The following MYO15A variants were observed in gnomAD, a reference collection of about 807,000 sequenced individuals.
MYO15A encodes the protein unconventional myosin-XV.
In MYO15A, 308 loss-of-function variants were observed where a neutral mutation model predicts 394.6. The observed-to-expected ratio is 0.78, with a 90% confidence interval of 0.71 to 0.86. The LOEUF (loss-of-function observed/expected upper bound fraction) is 0.86. Among genes scored for constraint, MYO15A ranks in the 40% least tolerant of loss-of-function variants. MYO15A has a pLI of 0.00. For missense variants in MYO15A, 4,606 were observed against 4,799.1 expected (o/e 0.96, Z 1.19); for synonymous variants, 1,957 against 2,003.8 (o/e 0.98, Z 0.62).
intron 3 of MYO15A, 88 bp from the exon 4 acceptor site, chr17:18,125,080 G>T: frequency 1.6e-6 from 2 of 1,267,902 alleles, no homozygotes; most frequent in South Asian, 2.4e-5. Context: ...AGGCCTATCT[G>T]ATCAAGGCAC....
At position 18,119,307 on chromosome 17, in the gene MYO15A, C is replaced by T. The variant is rs754319256; in HGVS notation, c.507C>T (p.Ser169=). ...WLQRSSSRMG[S]RKLPFPSGAE... is the part of the protein sequence containing the mutation. ...AGCGCTCGAGCTCCCGCATGGGCTCCCGCAAACTCCCCTTCCCGTCGGGTG... is the reference window on the plus strand; with the variant it reads ...AGCGCTCGAGCTCCCGCATGGGCTCTCGCAAACTCCCCTTCCCGTCGGGTG... The change falls in exon 2 of 66, where the codon TCC becomes TCT. Residue 169 remains serine, a synonymous_variant. Transcript: ENST00000647165. 1 of 1,610,994 alleles carries T rather than the reference C, an allele frequency of 6.2e-7. No individual in the cohort carries two copies. The highest frequency in any genetic ancestry group is 2.2e-5 in the East Asian group (1 of 44,844).
Position 18,149,533 on chromosome 17 carries a change from T to A in MYO15A, c.7165T>A (p.Cys2389Ser). ...EPAVPHKGLD[C>S]YLDSLFDPVL... ...TGCTGTGCCCCACAAGGGGCTGGAC[T>A]GCTACCTGGATAGCCTCTTTGACCC... The change falls in exon 35 of 66, where the codon TGC becomes AGC. Residue 2389 changes from cysteine to serine, a missense_variant. Coordinates refer to ENST00000647165, the MANE Select transcript of MYO15A (RefSeq NM_016239.4). 6.2e-7 allele frequency: 1 copy of A among 1,614,204 alleles called. No homozygotes were observed. Among genetic ancestry groups the A allele is most frequent in the Non-Finnish European group, 8.5e-7 (1 of 1,180,028 alleles).
intron 18 of MYO15A, 174 bp from the exon 19 acceptor site, chr17:18,139,360 C>T (rs1022641749): frequency 2.7e-6 from 2 of 736,126 alleles, no homozygotes; most frequent in Admixed American, 2.1e-5. Flanking sequence ...AGGGTGAGGC[C>T]AAGACCCAGG....
intron 34 of MYO15A, 25 bp from the exon 35 acceptor site, chr17:18,149,461 G>A: frequency 6.2e-7 from 1 of 1,614,186 alleles, no homozygotes; most frequent in Non-Finnish European, 8.5e-7. Context: ...AAAAGAACTT[G>A]ACATTTTTGT....
intron 19 of MYO15A, among the ~76,000 whole-genome samples, chr17:18,139,814 C>T (rs1025576383): frequency 6.6e-6 from 1 of 152,226 alleles, no homozygotes; most frequent in South Asian, 2.1e-4. Flanking sequence ...GCGCCTCATC[C>T]TGATCCTGTC....
At chr17:18,169,115 A>AAATAATAATAATAAT (rs368379543) in intron 62 of MYO15A, among the ~76,000 whole-genome samples, 1 of 128,512 alleles carries the variant, frequency 7.8e-6, no homozygotes, top group Non-Finnish European at 1.6e-5. Context: ...CTCCATCTCA[A>AAATAATAATAATAAT]AATAATAATA....
Position 18,149,217 on chromosome 17 carries a change from G to GT in MYO15A, c.6959dup (p.Phe2321ValfsTer9). The GT allele has an allele frequency of 1.9e-6, 3 of 1,614,042 alleles. No homozygotes were observed. The highest frequency in any genetic ancestry group is 2.5e-6 in the Non-Finnish European group (3 of 1,179,938). On this transcript the variant is annotated frameshift_variant and splice_region_variant, in exon 34 of 66. Coordinates refer to ENST00000647165, the MANE Select transcript of MYO15A (RefSeq NM_016239.4). LOFTEE classifies it high-confidence loss of function. ...GCTCCATGTTCCTTTTCTCCACAGG[G>GT]TGTTTGGGAACAGCTGGGACTCGGA...
Position 18,163,248 on chromosome 17 carries a change from G to T in MYO15A, c.9617G>T (p.Gly3206Val), listed in dbSNP as rs2046802106. 1.2e-6 allele frequency: 2 copies of T among 1,614,166 alleles called. No homozygotes were observed. The highest frequency in any genetic ancestry group is 1.7e-6 in the Non-Finnish European group (2 of 1,180,004). Residue 3206 changes from glycine (G) to valine (V), a missense_variant, in exon 59 of 66, where the codon GGC (glycine) becomes GTC (valine). By Grantham distance (109) the Gly-to-Val change is moderately radical. Coordinates refer to ENST00000647165, the MANE Select transcript of MYO15A (RefSeq NM_016239.4). ...TCTCCCACCTATCTACCCCAGGCAG[G>T]CCGCAGTTCCAAGAGGCAACTCTTT... is the stretch of plus-strand genomic sequence containing the variant. ...SSIELRAMLA[G>V]RSSKRQLFLL...
rs2046551154 is a variant in MYO15A, at chr17:18,150,001, G to A, written c.7212+421G>A. On this transcript the variant is annotated intron_variant, in intron 35 of 65. Coordinates refer to ENST00000647165, the MANE Select transcript of MYO15A (RefSeq NM_016239.4). The surrounding 1 kb of genome is among the most constrained non-coding windows in gnomAD (Gnocchi z 4.4). Reference sequence around the variant, plus strand: ...GGGAAGAAGTGCACCTTTGGTGGCAGCCAGCCCCCCGGGGCCACTAAAATA... The same window carrying A: ...GGGAAGAAGTGCACCTTTGGTGGCAACCAGCCCCCCGGGGCCACTAAAATA... 3.3e-6 allele frequency: 1 copy of A among 300,692 alleles called. No individual in the cohort carries two copies. The highest frequency in any genetic ancestry group is 4.0e-5 in the South Asian group (1 of 25,208). The allele number at this position is 300,692 out of a possible 1,614,324, so 18.6% of individuals were successfully genotyped here. A position where few individuals can be genotyped will look rare whatever the true frequency, so the allele number is the denominator to read the frequency against.
chr17:18,142,892 G>A (rs367866966), intron 25 of MYO15A, 52 bp downstream of exon 25: 2 of 1,530,704 alleles, frequency 1.3e-6, no homozygotes, highest in Non-Finnish European at 1.8e-6. Context: ...AAGGGGAAAG[G>A]GCACTTAGCA....
At position 18,143,969 on chromosome 17, in the gene MYO15A, C is replaced by T. The variant is rs878854414; in HGVS notation, c.6146C>T (p.Pro2049Leu). The T allele has an allele frequency of 8.7e-6, 14 of 1,613,458 alleles. No individual in the cohort carries two copies. Among genetic ancestry groups the T allele is most frequent in the Non-Finnish European group, 1.2e-5 (14 of 1,179,952 alleles). Residue 2049 changes from proline to leucine, a missense_variant, in exon 28 of 66, where the codon CCT (proline) becomes CTT (leucine). Transcript: ENST00000647165. ...CTGCCCCTGGACATCAACAACTATC[C>T]TATGGCCAAGTTTGTCCAGTGCCAC... Reference protein sequence around the residue: ...VTLPLDINNYPMAKFVQCHFK... With the variant: ...VTLPLDINNYLMAKFVQCHFK...
intron 7 of MYO15A, 54 bp downstream of exon 7, chr17:18,127,219 A>C (rs756497475): frequency 7.6e-6 from 12 of 1,588,502 alleles, no homozygotes; most frequent in Middle Eastern, 1.7e-4. Context: ...TGATAAGCAC[A>C]CCTCATGTAC....
chr17:18,153,666 C>G lies in MYO15A; in HGVS notation c.7967-109C>G. The G allele has an allele frequency of 8.5e-7, 1 of 1,177,946 alleles. No individual in the cohort carries two copies. Among genetic ancestry groups the G allele is most frequent in the Non-Finnish European group, 1.1e-6 (1 of 917,200 alleles). 73.0% of individuals were successfully genotyped at this position (1,177,946 alleles called of 1,614,324 possible). On this transcript the variant is annotated intron_variant, in intron 42 of 65. Transcript: ENST00000647165. This position sits in a 1 kb window ranked among gnomAD's most constrained non-coding sequence, Gnocchi z 4.1. ...TGGGCCGAGATTGCGCCACTGCACTCTAGCCTGGGGGACAACAGCGAAACT... is the reference window on the plus strand; with the variant it reads ...TGGGCCGAGATTGCGCCACTGCACTGTAGCCTGGGGGACAACAGCGAAACT...
chr17:18,140,636 A>T lies in MYO15A; in HGVS notation c.5331A>T (p.Ser1777=). ...AHTVAAKFQQ[S]LLDLVEKMER... is the part of the protein sequence containing the mutation. ...CTGTGGCCGCCAAGTTCCAGCAGTC[A>T]CTCCTGGATCTGGTGGAAAAGATGG... Residue 1777 remains serine (S), a synonymous_variant, in exon 20 of 66, where the codon TCA becomes TCT. Coordinates refer to ENST00000647165, the MANE Select transcript of MYO15A (RefSeq NM_016239.4). The T allele has an allele frequency of 1.2e-6, 2 of 1,613,538 alleles. No homozygotes were observed. Among genetic ancestry groups the T allele is most frequent in the Non-Finnish European group, 1.7e-6 (2 of 1,179,942 alleles).
At chr17:18,165,959 G>A (rs758873185) in intron 60 of MYO15A, among the ~76,000 whole-genome samples, 13 of 152,198 alleles carry the variant, frequency 8.5e-5, no homozygotes, top group Non-Finnish European at 1.9e-4. Context: ...GTCTCATAGT[G>A]TGAGGCCTCT....
intron 47 of MYO15A, chr17:18,155,771 T>C: frequency 2.3e-6 from 1 of 436,134 alleles, no homozygotes. Context: ...CAGTGACACC[T>C]TACTGAGTAC....
rs548613205 is a variant in MYO15A at position 18,119,685 on chromosome 17, C to T, written c.885C>T (p.Tyr295=). The change falls in exon 2 of 66, where the codon TAC becomes TAT. Residue 295 remains tyrosine (Y), a synonymous_variant. Coordinates refer to ENST00000647165, the MANE Select transcript of MYO15A (RefSeq NM_016239.4). ...ACGACTACTACCACCCCGACTATTACGGTGGCCCCTTTGATCCGGGGTACA... is the reference window on the plus strand; with the variant it reads ...ACGACTACTACCACCCCGACTATTATGGTGGCCCCTTTGATCCGGGGTACA... The part of the protein sequence containing the change: ...DPYDYYHPDY[Y]GGPFDPGYTY... 180 of 1,608,496 alleles carry T rather than the reference C, an allele frequency of 1.1e-4. No individual in the cohort carries two copies. Among genetic ancestry groups the T allele is most frequent in the Non-Finnish European group, 1.4e-4 (163 of 1,179,972 alleles).
chr17:18,125,270 G>A (rs771588075), intron 4 of MYO15A, 39 bp downstream of exon 4: 17 of 1,601,558 alleles, frequency 1.1e-5, no homozygotes, highest in Non-Finnish European at 1.5e-5. Flanking sequence ...GCCTAGGTCA[G>A]GAAGGCAGCT....
chr17:18,171,756 C>G lies in MYO15A; in HGVS notation c.10201C>G (p.Arg3401Gly), dbSNP rs367814130. The change falls in exon 63 of 66, where the codon CGT becomes GGT. Residue 3401 changes from arginine (R) to glycine (G), a missense_variant. Arg to Gly is a moderately radical substitution (Grantham distance 125). Coordinates refer to ENST00000647165, the MANE Select transcript of MYO15A (RefSeq NM_016239.4). ...QTQALSPHQA[R>G]AQFLGLLSAL... Reference sequence around the variant, plus strand: ...ACAGGCGCTCAGCCCCCACCAGGCCCGTGCCCAGTTTCTGGGTAAGAGCTG... The same window carrying G: ...ACAGGCGCTCAGCCCCCACCAGGCCGGTGCCCAGTTTCTGGGTAAGAGCTG... The G allele has an allele frequency of 6.2e-6, 10 of 1,610,440 alleles. No homozygotes were observed. The highest frequency in any genetic ancestry group is 8.5e-6 in the Non-Finnish European group (10 of 1,179,886).
Sources: gnomAD v4.1 joint callset for allele counts (sites outside exome capture counted in the v4.1 genomes callset) on GRCh38, gnomAD v4.1.1 for gene constraint, Gnocchi (gnomAD v3.1) non-coding constraint, MANE v1.5 for transcripts, NCBI Gene and HGNC (gene_info 2026-07-23, HGNC 2026-07-21) for gene names.